Variants in LUZP1 observed in about 807,000 individuals in gnomAD.
The protein encoded by LUZP1 is leucine zipper protein 1.
In LUZP1, 25 loss-of-function variants were observed where a neutral mutation model predicts 71.3. That is an observed-to-expected ratio of 0.35 (90% CI 0.26 to 0.49). The LOEUF is 0.49. Ranked by LOEUF, LUZP1 falls within the 20% of genes least tolerant of loss-of-function variation. The pLI, the probability that LUZP1 is intolerant of heterozygous loss-of-function variation, is 0.99. For synonymous variants in LUZP1, 481 were observed against 506.4 expected (o/e 0.95, Z 0.67); for missense variants, 1,142 against 1,300.8 (o/e 0.88, Z 1.88).
At chr1:23,115,729 T>C (rs1290916006) in intron 2 of LUZP1, among the ~76,000 whole-genome samples, 1 of 152,022 alleles carries the variant, frequency 6.6e-6, no homozygotes, top group Admixed American at 6.6e-5. Context: ...TTAGTAGAGA[T>C]GGGGTTTCAC....
At chr1:23,091,872 G>A (rs755749569) in exon 4 of LUZP1, 1 of 1,614,154 alleles carries the variant, frequency 6.2e-7, no homozygotes, top group Non-Finnish European at 8.5e-7. Flanking sequence ...TGGATATATA[G>A]TAATGCTACT....
chr1:23,113,699 G>C (rs1036292611), intron 2 of LUZP1, among the ~76,000 whole-genome samples: 2 of 151,810 alleles, frequency 1.3e-5, no homozygotes, highest in Admixed American at 1.3e-4. Context: ...GACCAACATG[G>C]TGAAACCCCG....
intron 2 of LUZP1, among the ~76,000 whole-genome samples, chr1:23,152,286 T>C (rs1024884868): frequency 6.6e-6 from 1 of 152,140 alleles, no homozygotes; most frequent in Middle Eastern, 3.2e-3. Flanking sequence ...TATACAATGT[T>C]TCATGGTTTG....
At chr1:23,115,660 C>A (rs565762797) in intron 2 of LUZP1, among the ~76,000 whole-genome samples, 1 of 152,224 alleles carries the variant, frequency 6.6e-6, no homozygotes, top group African/African-American at 2.4e-5. Context: ...CCTGTCTCAG[C>A]CTCCCGAGTA....
chr1:23,117,730 A>G (rs149576758), intron 2 of LUZP1, among the ~76,000 whole-genome samples: 1 of 152,116 alleles, frequency 6.6e-6, no homozygotes, highest in East Asian at 1.9e-4. Flanking sequence ...AGCTATAACT[A>G]TGTCTATCTC....
chr1:23,088,102 C>T (rs982790020), exon 5 of LUZP1: 1 of 152,712 alleles, frequency 6.5e-6, no homozygotes, highest in Non-Finnish European at 1.5e-5. Flanking sequence ...TCTCCAGCCA[C>T]TGGAGAGAAA....
intron 2 of LUZP1, among the ~76,000 whole-genome samples, chr1:23,151,847 T>C (rs942168592): frequency 1.3e-5 from 2 of 151,540 alleles, no homozygotes; most frequent in African/African-American, 4.8e-5. Flanking sequence ...AATAAAGATA[T>C]AAAAATTAGC....
chr1:23,147,612 C>CA (rs774893320), intron 2 of LUZP1, among the ~76,000 whole-genome samples: 12,403 of 58,644 alleles, frequency 0.21, 497 homozygotes, highest in South Asian at 0.33. Flanking sequence ...AGTCTCTACC[C>CA]AAAAAAAAAA....
intron 2 of LUZP1, among the ~76,000 whole-genome samples, chr1:23,149,671 T>A (rs1644368180): frequency 6.6e-6 from 1 of 152,088 alleles, no homozygotes. Context: ...AATGCCATTT[T>A]AAAAATGTTT....
chr1:23,110,665 C>CACACACACACACA (rs1557647742), intron 2 of LUZP1, among the ~76,000 whole-genome samples: 53 of 151,924 alleles, frequency 3.5e-4, no homozygotes, highest in African/African-American at 1.2e-3. Context: ...CACACACACA[C>CACACACACACACA]CCATCCCTGC....
intron 2 of LUZP1, among the ~76,000 whole-genome samples, chr1:23,164,514 A>T (rs1644495045): frequency 6.6e-6 from 1 of 152,054 alleles, no homozygotes; most frequent in Non-Finnish European, 1.5e-5. Context: ...CACAGTCACC[A>T]TACAGAAACA....
chr1:23,164,302 T>C (rs1206665530), intron 2 of LUZP1, among the ~76,000 whole-genome samples: 1 of 152,140 alleles, frequency 6.6e-6, no homozygotes, highest in South Asian at 2.1e-4. Flanking sequence ...GAGACCATCC[T>C]GGCTAACGCG....
At chr1:23,124,594 C>CAA (rs1557660250) in intron 2 of LUZP1, among the ~76,000 whole-genome samples, 3 of 152,124 alleles carry the variant, frequency 2.0e-5, no homozygotes, top group African/African-American at 7.2e-5. Context: ...AAGCAAGATA[C>CAA]AATTATCACT....
chr1:23,117,526 G>GC lies in LUZP1; in HGVS notation c.-225-8400_-225-8399insG, dbSNP rs1557654267. Among the ~76,000 whole-genome samples the GC allele has an allele frequency of 1.1e-4, 13 of 117,594 alleles. 1 individual carries two copies. The highest frequency in any genetic ancestry group is 6.8e-4 in the South Asian group (2 of 2,958). 77.1% of individuals were successfully genotyped at this position (117,594 alleles called of 152,430 possible). A position where few individuals can be genotyped will look rare whatever the true frequency, so the allele number is the denominator to read the frequency against. ...AAGCCCTGGGGGGGGGGGCGGGGGGGGGGAACACCTTGAGAAAGTAACTTG... is the reference window on the plus strand; with the variant it reads ...AAGCCCTGGGGGGGGGGGCGGGGGGGCGGGAACACCTTGAGAAAGTAACTTG... On this transcript the variant is annotated intron_variant, in intron 2 of 4. Coordinates refer to ENST00000302291, the Ensembl canonical transcript of LUZP1.
intron 2 of LUZP1, among the ~76,000 whole-genome samples, chr1:23,146,931 A>C (rs1409894820): frequency 6.6e-6 from 1 of 151,102 alleles, no homozygotes; most frequent in Non-Finnish European, 1.5e-5. Flanking sequence ...CCCCATCTCT[A>C]CTAAAAATAC....
At chr1:23,125,537 G>A (rs576352193) in intron 2 of LUZP1, among the ~76,000 whole-genome samples, 60 of 152,124 alleles carry the variant, frequency 3.9e-4, no homozygotes, top group South Asian at 2.1e-3. Context: ...CAATAAACAC[G>A]GAAAAAAGTG....
At chr1:23,110,029 ATGTT>A (rs1349636402) in intron 2 of LUZP1, among the ~76,000 whole-genome samples, 3 of 152,220 alleles carry the variant, frequency 2.0e-5, no homozygotes, top group Non-Finnish European at 2.9e-5. Context: ...TAAGAAGATA[ATGTT>A]ACCTCTACTT....
At chr1:23,161,713 C>T (rs1431939793) in intron 2 of LUZP1, among the ~76,000 whole-genome samples, 1 of 152,098 alleles carries the variant, frequency 6.6e-6, no homozygotes, top group African/African-American at 2.4e-5. Flanking sequence ...CTATACAGGG[C>T]ATTATAGGTC....
At chr1:23,167,032 AT>A (rs2148216594) in intron 2 of LUZP1, among the ~76,000 whole-genome samples, 1 of 152,322 alleles carries the variant, frequency 6.6e-6, no homozygotes, top group South Asian at 2.1e-4. Context: ...CTAGGAGTAA[AT>A]TGAGCAAAAC....
Sources: gnomAD v4.1 joint callset for allele counts (sites outside exome capture counted in the v4.1 genomes callset) on GRCh38, gnomAD v4.1.1 for gene constraint, MANE v1.5 for transcripts, NCBI Gene and HGNC (gene_info 2026-07-23, HGNC 2026-07-21) for gene names.